Variants in FSTL4 observed in about 807,000 individuals in gnomAD.
The protein encoded by FSTL4 is follistatin like 4, also known as follistatin-related protein 4.
In FSTL4, 28 loss-of-function variants were observed where a neutral mutation model predicts 78.2. The observed-to-expected ratio is 0.36, with a 90% CI of 0.27 to 0.49. The LOEUF (loss-of-function observed/expected upper bound fraction) is 0.49, where lower values mean the gene tolerates loss of function less well. Ranked by LOEUF, FSTL4 falls within the 20% of genes least tolerant of loss-of-function variation. The pLI, the probability that FSTL4 is intolerant of heterozygous loss-of-function variation, is 0.98. For missense variants in FSTL4, 922 were observed against 1,084.9 expected, an observed-to-expected ratio of 0.85 and a Z score of 2.11; for synonymous variants, 422 against 440.5, an observed-to-expected ratio of 0.96 and a Z score of 0.53.
chr5:133,535,242 G>T (rs1433367733), intron 3 of FSTL4, among the ~76,000 whole-genome samples: 1 of 152,188 alleles, frequency 6.6e-6, no homozygotes, highest in East Asian at 1.9e-4. Context: ...GAGAACTGTT[G>T]GGAGCAAGCC....
chr5:133,488,233 A>G (rs1169568815), intron 3 of FSTL4, among the ~76,000 whole-genome samples: 1 of 152,202 alleles, frequency 6.6e-6, no homozygotes, highest in Non-Finnish European at 1.5e-5. Context: ...AGAAAAGCCA[A>G]GATAGCTAAG....
At chr5:133,529,786 A>G (rs1420138240) in intron 3 of FSTL4, among the ~76,000 whole-genome samples, 1 of 152,052 alleles carries the variant, frequency 6.6e-6, no homozygotes, top group Non-Finnish European at 1.5e-5. Context: ...ACTCTGTTGA[A>G]TGGTTTTTTG....
chr5:133,691,605 T>C, the FSTL4 span, among the ~76,000 whole-genome samples: 4 of 152,136 alleles, frequency 2.6e-5, no homozygotes, highest in Admixed American at 2.0e-4. Context: ...AACTCTCCTT[T>C]GGTCCAAGTC....
chr5:133,210,293 T>C lies in FSTL4; in HGVS notation c.1614A>G (p.Ile538Met). ...GCTTAGCCGGCAGAGGGTCCACACCTATGGACTTGAAAAAAAATAGTGACA... is the reference window on the plus strand; with the variant it reads ...GCTTAGCCGGCAGAGGGTCCACACCCATGGACTTGAAAAAAAATAGTGACA... ...DIQAQKVLQSIGVDPLPAKLS... is the reference protein window; with the variant it reads ...DIQAQKVLQSMGVDPLPAKLS... The change falls in exon 14 of 16, where the codon ATA becomes ATG. Residue 538 changes from isoleucine to methionine, a missense_variant. Coordinates refer to ENST00000265342, the MANE Select transcript of FSTL4 (RefSeq NM_015082.2). 6.3e-7 allele frequency: 1 copy of C among 1,582,988 alleles called. No homozygotes were observed. Among genetic ancestry groups the C allele is most frequent in the South Asian group, 1.1e-5 (1 of 90,306 alleles).
intron 3 of FSTL4, among the ~76,000 whole-genome samples, chr5:133,560,925 A>G (rs1479186765): frequency 6.6e-6 from 1 of 150,694 alleles, no homozygotes; most frequent in African/African-American, 2.4e-5. Flanking sequence ...TCTCTACTAA[A>G]AAAATACAAA....
At chr5:133,384,611 A>C (rs569582671) in intron 4 of FSTL4, among the ~76,000 whole-genome samples, 1 of 152,256 alleles carries the variant, frequency 6.6e-6, no homozygotes, top group South Asian at 2.1e-4. Flanking sequence ...CACTCCCCCG[A>C]TTCAGGCTTC....
intron 3 of FSTL4, among the ~76,000 whole-genome samples, chr5:133,564,162 C>A (rs1759978237): frequency 1.3e-5 from 2 of 152,296 alleles, no homozygotes; most frequent in East Asian, 3.9e-4. Context: ...TCTCCCTTTT[C>A]TTGTAAGGAC....
chr5:133,817,268 G>T, the FSTL4 span, among the ~76,000 whole-genome samples: 273 of 152,326 alleles, frequency 1.8e-3, 2 homozygotes, highest in Middle Eastern at 6.8e-3. Context: ...TGGAGCCAGG[G>T]TGTGCAAACC....
chr5:133,590,610 C>T (rs1485224343), intron 2 of FSTL4, among the ~76,000 whole-genome samples: 1 of 152,142 alleles, frequency 6.6e-6, no homozygotes. Context: ...AGCAGCTGCA[C>T]TAAGGAGCTC....
intron 4 of FSTL4, among the ~76,000 whole-genome samples, chr5:133,389,467 G>A (rs1369482014): frequency 1.3e-5 from 2 of 152,180 alleles, no homozygotes; most frequent in Admixed American, 1.3e-4. Context: ...GAACAAGCAA[G>A]CTCACTCTCT....
At chr5:133,211,285 G>A (rs1191750399) in intron 13 of FSTL4, among the ~76,000 whole-genome samples, 1 of 152,092 alleles carries the variant, frequency 6.6e-6, no homozygotes, top group African/African-American at 2.4e-5. Context: ...ACTAGACTAT[G>A]GCCCCCTGCT....
chr5:133,214,106 T>C (rs966304934), intron 13 of FSTL4, among the ~76,000 whole-genome samples: 12 of 152,198 alleles, frequency 7.9e-5, no homozygotes, highest in Admixed American at 2.6e-4. Context: ...CACACCTCTC[T>C]GCAGCTGATG....
the FSTL4 span, among the ~76,000 whole-genome samples, chr5:133,673,236 A>G: frequency 6.6e-6 from 1 of 152,194 alleles, no homozygotes; most frequent in Admixed American, 6.5e-5. Context: ...TGGGGGCCCA[A>G]GGTATTTTCC....
chr5:133,669,445 T>C, the FSTL4 span, among the ~76,000 whole-genome samples: 1 of 152,180 alleles, frequency 6.6e-6, no homozygotes, highest in Non-Finnish European at 1.5e-5. Context: ...TCTAAATCAT[T>C]GAAAACAGAA....
At chr5:133,220,968 T>G (rs766891708) in intron 11 of FSTL4, 102 bp from the exon 12 acceptor site, 1 of 789,294 alleles carries the variant, frequency 1.3e-6, no homozygotes, top group Non-Finnish European at 2.3e-6. Flanking sequence ...CGTGGATGCA[T>G]CTGGTGCAGG....
At chr5:133,328,365 T>C (rs1754266163) in intron 4 of FSTL4, among the ~76,000 whole-genome samples, 1 of 152,264 alleles carries the variant, frequency 6.6e-6, no homozygotes, top group Non-Finnish European at 1.5e-5. Flanking sequence ...GATGTTGCTA[T>C]ACAATCTGCT....
At chr5:133,349,291 C>CTGTGTG (rs1192644109) in intron 4 of FSTL4, among the ~76,000 whole-genome samples, 24 of 96,716 alleles carry the variant, frequency 2.5e-4, no homozygotes, top group African/African-American at 1.0e-3. Context: ...GAAAGCCTCT[C>CTGTGTG]TCTCTGTGTG....
chr5:133,725,704 G>T, the FSTL4 span, among the ~76,000 whole-genome samples: 1 of 152,176 alleles, frequency 6.6e-6, no homozygotes, highest in African/African-American at 2.4e-5. Context: ...ATAAGGGGTT[G>T]TTATTAATAA....
chr5:133,453,173 CACAG>C (rs1429457703), intron 3 of FSTL4, among the ~76,000 whole-genome samples: 2 of 152,152 alleles, frequency 1.3e-5, no homozygotes, highest in African/African-American at 4.8e-5. Flanking sequence ...CCAACGACAA[CACAG>C]ACAGTGAGAA....
Sources: allele counts gnomAD v4.1 joint callset (sites outside exome capture counted in the v4.1 genomes callset), GRCh38; gene constraint gnomAD v4.1.1; transcripts MANE v1.5; gene names NCBI Gene and HGNC (gene_info 2026-07-23, HGNC 2026-07-21).